Variants in TMX3 observed in about 807,000 individuals in gnomAD.
TMX3 encodes the protein thioredoxin related transmembrane protein 3.
In TMX3, 40 loss-of-function variants were observed where a neutral mutation model predicts 64.4. The ratio of observed to expected loss-of-function variants is 0.62; its 90% confidence interval spans 0.48 to 0.81. The LOEUF (loss-of-function observed/expected upper bound fraction) is 0.81, where lower values mean the gene tolerates loss of function less well. Among genes scored for constraint, TMX3 ranks in the 30% least tolerant of loss-of-function variants. The pLI is 0.00. For synonymous variants in TMX3, 189 were observed against 175.7 expected, an observed-to-expected ratio of 1.08 and a Z score of -0.60; for missense variants, 497 against 534.5, an observed-to-expected ratio of 0.93 and a Z score of 0.69.
Position 68,698,788 on chromosome 18 carries a change from G to A in TMX3, c.393-757C>T, listed in dbSNP as rs188711679. ...TCTCAGCACTTTGGGAGGCCGAGGC[G>A]GGTGGATCATGAGGTCAGGAGGTCG... On this transcript the variant is annotated intron_variant, in intron 6 of 15. Coordinates refer to ENST00000299608, the MANE Select transcript of TMX3 (RefSeq NM_019022.5). Among the ~76,000 whole-genome samples, 148 of 152,098 alleles carry A rather than the reference G, an allele frequency of 9.7e-4. 2 individuals are homozygous for A. Among genetic ancestry groups the A allele is most frequent in the African/African-American group, 3.2e-3 (134 of 41,482 alleles).
chr18:68,694,825 A>T (rs1440352724), intron 8 of TMX3, among the ~76,000 whole-genome samples: 1 of 152,220 alleles, frequency 6.6e-6, no homozygotes, highest in Non-Finnish European at 1.5e-5. Context: ...ATCTACATAC[A>T]TATTGCAGGA....
chr18:68,688,867 T>C (rs1478734817), intron 9 of TMX3: 4 of 152,116 alleles, frequency 2.6e-5, no homozygotes, highest in Admixed American at 1.3e-4. Flanking sequence ...ATTGGGTACA[T>C]ACGGACATAA....
intron 4 of TMX3, among the ~76,000 whole-genome samples, chr18:68,703,195 C>G (rs1228303482): frequency 3.9e-5 from 6 of 152,090 alleles, no homozygotes; most frequent in Admixed American, 3.3e-4. Flanking sequence ...TTTAATGACC[C>G]CTTTCCAAAT....
At chr18:68,683,228 TG>T (rs1181231817) in intron 12 of TMX3, among the ~76,000 whole-genome samples, 2 of 152,072 alleles carry the variant, frequency 1.3e-5, no homozygotes, top group East Asian at 3.8e-4. Flanking sequence ...CATTTCTACT[TG>T]GTTTATGCAT....
intron 8 of TMX3, among the ~76,000 whole-genome samples, chr18:68,694,205 G>A (rs527865179): frequency 5.9e-5 from 9 of 152,292 alleles, no homozygotes; most frequent in African/African-American, 1.9e-4. Flanking sequence ...GTGACAAGAA[G>A]GAGAGAAGAG....
At chr18:68,702,121 C>T (rs1328651365) in intron 4 of TMX3, among the ~76,000 whole-genome samples, 3 of 129,406 alleles carry the variant, frequency 2.3e-5, no homozygotes, top group African/African-American at 8.9e-5. Flanking sequence ...AAGTACTTCT[C>T]ATTTGACTTC....
chr18:68,682,708 A>ATT (rs11315775), intron 13 of TMX3, among the ~76,000 whole-genome samples: 1 of 143,446 alleles, frequency 7.0e-6, no homozygotes. Context: ...TCAGGAGATA[A>ATT]TTTTTTTTTT....
At chr18:68,707,676 A>G (rs1319006929) in intron 4 of TMX3, among the ~76,000 whole-genome samples, 1 of 152,156 alleles carries the variant, frequency 6.6e-6, no homozygotes, top group African/African-American at 2.4e-5. Context: ...GACCTATTCA[A>G]GTGATCACAG....
rs1379393697 is a variant in TMX3 at position 68,679,407 on chromosome 18, G to T, written c.1104+56C>A. 3.5e-6 allele frequency: 5 copies of T among 1,416,198 alleles called. 1 individual carries two copies. The highest frequency in any genetic ancestry group is 2.3e-5 in the East Asian group (1 of 42,894). The allele number at this position is 1,416,198 out of a possible 1,614,324, so 87.7% of individuals were successfully genotyped here. On this transcript the variant is annotated intron_variant, in intron 15 of 15. Transcript: ENST00000299608. ...CAAATTCAGATTTTTAACACAGCTA[G>T]ACATAAAGAACCTATATCTTCTTCA...
Position 68,700,492 on chromosome 18 carries a change from A to G in TMX3, c.312-7T>C. On this transcript the variant is annotated splice_region_variant and splice_polypyrimidine_tract_variant and intron_variant, in intron 5 of 15. Coordinates refer to ENST00000299608, the MANE Select transcript of TMX3 (RefSeq NM_019022.5). Reference sequence around the variant, plus strand: ...TGCCAAGTCCCCTTTTAATCTTTAAAAAAAAAAAAAAATTAAAACCTGGAT... The same window carrying G: ...TGCCAAGTCCCCTTTTAATCTTTAAGAAAAAAAAAAAATTAAAACCTGGAT... The G allele has an allele frequency of 6.6e-7, 1 of 1,507,360 alleles. No homozygotes were observed. The highest frequency in any genetic ancestry group is 8.9e-7 in the Non-Finnish European group (1 of 1,123,496). 93.4% of individuals were successfully genotyped at this position (1,507,360 alleles called of 1,614,324 possible).
At chr18:68,694,169 C>G (rs2145064769) in intron 8 of TMX3, among the ~76,000 whole-genome samples, 1 of 152,282 alleles carries the variant, frequency 6.6e-6, no homozygotes, top group South Asian at 2.1e-4. Flanking sequence ...AGGGCTGAAA[C>G]ATACCCCCCA....
chr18:68,687,844 G>T, intron 9 of TMX3, 79 bp from the exon 10 acceptor site: 1 of 1,021,240 alleles, frequency 9.8e-7, no homozygotes, highest in Non-Finnish European at 1.4e-6. Flanking sequence ...CTGATAATAG[G>T]TATAAAACGC....
At chr18:68,681,483 T>C in intron 13 of TMX3, 1 of 984,296 alleles carries the variant, frequency 1.0e-6, no homozygotes, top group South Asian at 4.7e-5. Context: ...TTTTTTTCTC[T>C]TGATTCTTCA....
chr18:68,689,427 T>C (rs1158716105), intron 9 of TMX3, among the ~76,000 whole-genome samples: 2 of 151,644 alleles, frequency 1.3e-5, no homozygotes, highest in African/African-American at 4.9e-5. Context: ...ACAAAGTGCC[T>C]CTCTGAATTG....
intron 15 of TMX3, among the ~76,000 whole-genome samples, chr18:68,678,180 T>A (rs1456032635): frequency 6.6e-6 from 1 of 151,978 alleles, no homozygotes. Flanking sequence ...AACAGGAAAG[T>A]AAAGCAAACT....
chr18:68,680,122 T>A (rs987392686), intron 14 of TMX3, among the ~76,000 whole-genome samples: 16 of 152,190 alleles, frequency 1.1e-4, no homozygotes, highest in African/African-American at 3.9e-4. Context: ...CAAATTATTT[T>A]CAAAAATATT....
intron 8 of TMX3, 57 bp from the exon 9 acceptor site, chr18:68,691,418 C>G: frequency 8.5e-7 from 1 of 1,170,180 alleles, no homozygotes; most frequent in Non-Finnish European, 1.2e-6. Context: ...TAATTAGTAA[C>G]TATAATTTCA....
chr18:68,682,860 G>GT, intron 13 of TMX3, 65 bp downstream of exon 13: 2 of 1,433,250 alleles, frequency 1.4e-6, no homozygotes, highest in Non-Finnish European at 1.9e-6. Context: ...CCTTCTACCT[G>GT]TATCTCAGAA....
chr18:68,698,010 TG>T lies in TMX3; in HGVS notation c.413del (p.Pro138GlnfsTer20). The T allele has an allele frequency of 6.2e-7, 1 of 1,611,702 alleles. No homozygotes were observed. The highest frequency in any genetic ancestry group is 8.5e-7 in the Non-Finnish European group (1 of 1,179,588). On this transcript the variant is annotated frameshift_variant, in exon 7 of 16. Transcript: ENST00000299608. LOFTEE classifies it high-confidence loss of function. The part of the protein sequence containing the change: ...RVSGALIRPL[P>X]SQQMFEHMQK... The stretch of plus-strand genomic sequence containing the variant: ...GCATATGTTCAAACATTTGTTGACT[TG>T]GAAGTGGCCGAATTAGAGCCCTGTT...
Sources: gnomAD v4.1 joint callset for allele counts (sites outside exome capture counted in the v4.1 genomes callset) on GRCh38, gnomAD v4.1.1 for gene constraint, MANE v1.5 for transcripts, NCBI Gene and HGNC (gene_info 2026-07-23, HGNC 2026-07-21) for gene names.